Variants in PCCA observed in about 807,000 individuals in gnomAD.
PCCA encodes propionyl-CoA carboxylase alpha chain, mitochondrial.
A neutral mutation model predicts 101.3 loss-of-function variants in PCCA; 74 were observed. The ratio of observed to expected loss-of-function variants is 0.73; its 90% CI spans 0.61 to 0.89. The LOEUF is 0.89. Among genes scored for constraint, PCCA ranks in the 40% least tolerant of loss-of-function variants. The pLI is 0.00. For synonymous variants in PCCA, 294 were observed against 313.6 expected (o/e 0.94, Z 0.66); for missense variants, 891 against 907.0 (o/e 0.98, Z 0.23).
chr13:100,422,143 T>C (rs1416114387), intron 19 of PCCA, among the ~76,000 whole-genome samples: 34 of 142,958 alleles, frequency 2.4e-4, no homozygotes, highest in African/African-American at 7.8e-4. Context: ...TTCTTTTTTT[T>C]TTTTTTTTTG....
intron 2 of PCCA, among the ~76,000 whole-genome samples, chr13:100,111,584 C>T (rs140682158): frequency 1.2e-4 from 19 of 152,232 alleles, no homozygotes; most frequent in East Asian, 5.8e-4. Context: ...TTATAGAACC[C>T]GATCATATCA....
At chr13:100,373,019 C>G (rs1490403641) in intron 19 of PCCA, among the ~76,000 whole-genome samples, 1 of 152,168 alleles carries the variant, frequency 6.6e-6, no homozygotes, top group African/African-American at 2.4e-5. Context: ...GCTGGGATTA[C>G]GGGTGTGAGT....
At chr13:100,273,061 A>G (rs565239275) in intron 11 of PCCA, 135 bp from the exon 12 acceptor site, 5 of 660,474 alleles carry the variant, frequency 7.6e-6, no homozygotes, top group Non-Finnish European at 1.3e-5. Context: ...TATATAAAGC[A>G]CAATATTTTG....
At chr13:100,363,062 A>G (rs540048554) in intron 18 of PCCA, among the ~76,000 whole-genome samples, 14 of 152,200 alleles carry the variant, frequency 9.2e-5, no homozygotes, top group Non-Finnish European at 1.9e-4. Flanking sequence ...TGTTCATTCT[A>G]TGCTTTTTAT....
intron 12 of PCCA, among the ~76,000 whole-genome samples, chr13:100,289,704 C>T (rs957829920): frequency 6.6e-5 from 10 of 152,130 alleles, no homozygotes; most frequent in South Asian, 2.1e-4. Flanking sequence ...TTCAGACAGA[C>T]GTTTTCTCTG....
chr13:100,276,965 C>T (rs975687196), intron 12 of PCCA, among the ~76,000 whole-genome samples: 1 of 152,102 alleles, frequency 6.6e-6, no homozygotes, highest in Admixed American at 6.5e-5. Context: ...CTGTCATATA[C>T]AGTTATTTTA....
intron 9 of PCCA, among the ~76,000 whole-genome samples, chr13:100,262,292 C>G (rs1244151329): frequency 6.6e-6 from 1 of 151,828 alleles, no homozygotes; most frequent in African/African-American, 2.4e-5. Flanking sequence ...ACTCGGGAGG[C>G]TGAGGTGGAA....
At chr13:100,133,761 A>G (rs1260970970) in intron 4 of PCCA, among the ~76,000 whole-genome samples, 1 of 152,154 alleles carries the variant, frequency 6.6e-6, no homozygotes, top group Non-Finnish European at 1.5e-5. Flanking sequence ...GTGGACTGAG[A>G]GAGGCAGACC....
chr13:100,387,972 A>G (rs1335164575), intron 19 of PCCA, among the ~76,000 whole-genome samples: 1 of 152,242 alleles, frequency 6.6e-6, no homozygotes, highest in African/African-American at 2.4e-5. Context: ...ACAGTTGGCA[A>G]ATACTGTAAT....
chr13:100,472,311 C>T (rs1160476720), intron 21 of PCCA, among the ~76,000 whole-genome samples: 1 of 152,010 alleles, frequency 6.6e-6, no homozygotes, highest in Non-Finnish European at 1.5e-5. Flanking sequence ...CGGGGACCCT[C>T]CCCTGTCTAC....
At chr13:100,344,238 C>A (rs181850044) in intron 18 of PCCA, among the ~76,000 whole-genome samples, 10 of 152,122 alleles carry the variant, frequency 6.6e-5, no homozygotes, top group Non-Finnish European at 1.2e-4. Flanking sequence ...AAATTGTATT[C>A]GAAACTTGAG....
chr13:100,461,040 A>G (rs993121960), intron 21 of PCCA, among the ~76,000 whole-genome samples: 3 of 152,230 alleles, frequency 2.0e-5, no homozygotes, highest in African/African-American at 7.2e-5. Context: ...TACTGGGACC[A>G]TTCTGGTCTG....
intron 6 of PCCA, among the ~76,000 whole-genome samples, chr13:100,177,148 A>C (rs1005930549): frequency 6.6e-6 from 1 of 152,202 alleles, no homozygotes; most frequent in Admixed American, 6.5e-5. Flanking sequence ...ATTTTCTTCC[A>C]AGTCAGTAAA....
chr13:100,398,298 T>C (rs905921539), intron 19 of PCCA, among the ~76,000 whole-genome samples: 1 of 152,246 alleles, frequency 6.6e-6, no homozygotes, highest in African/African-American at 2.4e-5. Flanking sequence ...CACTGGGTTT[T>C]AAATGATCAT....
chr13:100,413,241 G>T (rs1013118642), intron 19 of PCCA, among the ~76,000 whole-genome samples: 10 of 152,172 alleles, frequency 6.6e-5, no homozygotes, highest in African/African-American at 2.4e-4. Flanking sequence ...ACAAGAAACA[G>T]CACATCACAG....
intron 7 of PCCA, among the ~76,000 whole-genome samples, chr13:100,221,746 ATTTTTTTTT>A (rs3034654): frequency 1.6e-5 from 2 of 121,602 alleles, no homozygotes; most frequent in African/African-American, 6.6e-5. Flanking sequence ...TCCCTGGGAA[ATTTTTTTTT>A]TTTTTTTTTT....
At position 100,102,960 on chromosome 13, in the gene PCCA, A is replaced by T; in HGVS notation, c.183A>T (p.Lys61Asn). Residue 61 changes from lysine to asparagine, a missense_variant and splice_region_variant, in exon 2 of 24, where the codon AAA becomes AAT. Lys to Asn is a moderately conservative substitution (Grantham distance 94). Transcript: ENST00000376285. ...CAGTGGGATATGATCCTAATGAAAA[A>T]GTAAGTATTTAAAAGATATTCTCAA... ...LGSVGYDPNE[K>N]TFDKILVANR... 6.3e-7 allele frequency: 1 copy of T among 1,575,366 alleles called. No individual in the cohort carries two copies. Among genetic ancestry groups the T allele is most frequent in the Middle Eastern group, 1.7e-4 (1 of 5,988 alleles).
chr13:100,191,434 T>C (rs2057735066), intron 6 of PCCA, among the ~76,000 whole-genome samples: 1 of 152,188 alleles, frequency 6.6e-6, no homozygotes, highest in Non-Finnish European at 1.5e-5. Context: ...CGCAGCTTAC[T>C]ACGGGTCACC....
intron 4 of PCCA, among the ~76,000 whole-genome samples, chr13:100,113,085 A>G (rs887490735): frequency 6.6e-6 from 1 of 152,210 alleles, no homozygotes; most frequent in East Asian, 1.9e-4. Context: ...GTTCTGAGAA[A>G]TGCATCGTTA....
Sources: gnomAD v4.1 joint callset for allele counts (sites outside exome capture counted in the v4.1 genomes callset) on GRCh38, gnomAD v4.1.1 for gene constraint, MANE v1.5 for transcripts, NCBI Gene and HGNC (gene_info 2026-07-23, HGNC 2026-07-21) for gene names.